Variants in HTR3B observed in about 807,000 individuals in gnomAD.
HTR3B encodes the protein 5-hydroxytryptamine receptor 3B, also known as 5-hydroxytryptamine (serotonin) receptor 3B, ionotropic.
Under a neutral mutation model 42.8 loss-of-function variants are expected in HTR3B, and 44 were observed. The ratio of observed to expected loss-of-function variants is 1.03; its 90% CI spans 0.81 to 1.32. HTR3B has a LOEUF of 1.32. Ranked by LOEUF, HTR3B falls within the 40% of genes most tolerant of loss-of-function variation. The pLI, the probability that HTR3B is intolerant of heterozygous loss-of-function variation, is 0.00. For missense variants in HTR3B, 527 were observed against 536.5 expected, an observed-to-expected ratio of 0.98 and a Z score of 0.17; for synonymous variants, 203 against 209.0, an observed-to-expected ratio of 0.97 and a Z score of 0.25.
chr11:113,913,252 C>T (rs958989761), intron 2 of HTR3B, among the ~76,000 whole-genome samples: 1 of 150,180 alleles, frequency 6.7e-6, no homozygotes, highest in East Asian at 1.9e-4. Context: ...GGCACGATCT[C>T]GGCTCACTGC....
intron 7 of HTR3B, 130 bp from the exon 8 acceptor site, chr11:113,944,438 CTACAG>C: frequency 1.3e-6 from 1 of 749,796 alleles, no homozygotes; most frequent in Non-Finnish European, 2.2e-6. Flanking sequence ...TACGTTAAGG[CTACAG>C]TGAGCCATGA....
intron 2 of HTR3B, among the ~76,000 whole-genome samples, chr11:113,917,632 A>T (rs1343269072): frequency 6.7e-6 from 1 of 150,022 alleles, no homozygotes; most frequent in Non-Finnish European, 1.5e-5. Context: ...TTTTTTTGAG[A>T]CAGTATTTTA....
intron 4 of HTR3B, 134 bp from the exon 5 acceptor site, chr11:113,932,155 T>C (rs1383362740): frequency 6.8e-6 from 5 of 730,056 alleles, no homozygotes; most frequent in Non-Finnish European, 1.2e-5. Flanking sequence ...AATCATCTCA[T>C]GGAAAATGCG....
rs950226701 is a variant in HTR3B at position 113,938,952 on chromosome 11, G to A, written c.697-4030G>A. ...GGAGGTTGCAGTGAGTCGAGATTGC[G>A]TCATTGTACTCCAGTCTGGGCAATA... On this transcript the variant is annotated intron_variant, in intron 6 of 8. Coordinates refer to ENST00000260191, the MANE Select transcript of HTR3B (RefSeq NM_006028.5). Among the ~76,000 whole-genome samples the A allele has an allele frequency of 5.9e-5, 9 of 151,864 alleles. No homozygotes were observed. The South Asian group carries it at 6.3e-4, about 11-fold the overall frequency.
At chr11:113,928,560 C>T (rs542872231) in intron 2 of HTR3B, among the ~76,000 whole-genome samples, 14 of 152,038 alleles carry the variant, frequency 9.2e-5, no homozygotes, top group Middle Eastern at 3.4e-3. Context: ...TTTTTTGAGA[C>T]GGAGTATCAT....
At chr11:113,921,157 T>A (rs1178981702) in intron 2 of HTR3B, among the ~76,000 whole-genome samples, 2 of 151,458 alleles carry the variant, frequency 1.3e-5, no homozygotes, top group East Asian at 2.0e-4. Flanking sequence ...ATTTTTTATT[T>A]TTTTTTTGAG....
Position 113,909,294 on chromosome 11 carries a change from G to T in HTR3B, c.53-1G>T. 1.2e-6 allele frequency: 2 copies of T among 1,611,310 alleles called. No homozygotes were observed. The highest frequency in any genetic ancestry group is 1.7e-6 in the Non-Finnish European group (2 of 1,177,582). ...CTTCACAATGATAGTTTATTTTCCAGGAATTCTAGCCACAGATACACATCA... is the reference window on the plus strand; with the variant it reads ...CTTCACAATGATAGTTTATTTTCCATGAATTCTAGCCACAGATACACATCA... On this transcript the variant is annotated splice_acceptor_variant, in intron 1 of 8. Coordinates refer to ENST00000260191, the MANE Select transcript of HTR3B (RefSeq NM_006028.5). LOFTEE classifies it high-confidence loss of function.
At chr11:113,907,352 G>C (rs1349667410) in intron 1 of HTR3B, among the ~76,000 whole-genome samples, 1 of 152,158 alleles carries the variant, frequency 6.6e-6, no homozygotes, top group Non-Finnish European at 1.5e-5. Flanking sequence ...CTTTCAAGGG[G>C]CATAATTTAC....
At chr11:113,941,968 C>T (rs1202864483) in intron 6 of HTR3B, among the ~76,000 whole-genome samples, 2 of 152,164 alleles carry the variant, frequency 1.3e-5, no homozygotes, top group Non-Finnish European at 1.5e-5. Context: ...ATTTTTGAGC[C>T]GTCTTCAAAC....
chr11:113,913,978 G>A (rs919791149), intron 2 of HTR3B, among the ~76,000 whole-genome samples: 4 of 152,126 alleles, frequency 2.6e-5, no homozygotes, highest in African/African-American at 9.7e-5. Context: ...ATGCAGTGAG[G>A]AAGCCCTGAT....
intron 6 of HTR3B, among the ~76,000 whole-genome samples, chr11:113,940,799 A>G (rs1330076946): frequency 6.6e-6 from 1 of 152,044 alleles, no homozygotes; most frequent in Non-Finnish European, 1.5e-5. Flanking sequence ...CTGCTCCATC[A>G]CTGGCCTTTG....
At chr11:113,936,727 G>A (rs1950095168) in intron 6 of HTR3B, among the ~76,000 whole-genome samples, 1 of 152,184 alleles carries the variant, frequency 6.6e-6, no homozygotes, top group Non-Finnish European at 1.5e-5. Flanking sequence ...TTTCTGAGTT[G>A]GGAATGCTGG....
chr11:113,944,510 C>CA lies in HTR3B; in HGVS notation c.908-56dup, dbSNP rs561020040. On this transcript the variant is annotated intron_variant, in intron 7 of 8. Transcript: ENST00000260191. Reference sequence around the variant, plus strand: ...AGCAAGACCCTGTCCCTAAAGAAAACAAAAAAATCTGATGCTGCATTTCAG... The same window carrying CA: ...AGCAAGACCCTGTCCCTAAAGAAAACAAAAAAAATCTGATGCTGCATTTCAG... The CA allele has an allele frequency of 2.3e-4, 357 of 1,554,748 alleles. 4 individuals are homozygous for CA. The East Asian group carries it at 7.4e-3, about 32-fold the overall frequency.
intron 2 of HTR3B, among the ~76,000 whole-genome samples, chr11:113,920,102 C>T (rs943892719): frequency 1.6e-4 from 25 of 152,076 alleles, no homozygotes; most frequent in African/African-American, 5.8e-4. Context: ...GATCTTGGCT[C>T]ACCACAACCT....
At chr11:113,934,425 A>G (rs967679224) in intron 6 of HTR3B, among the ~76,000 whole-genome samples, 2 of 151,826 alleles carry the variant, frequency 1.3e-5, no homozygotes, top group Non-Finnish European at 2.9e-5. Flanking sequence ...AAAGAAAGAA[A>G]GAAGGAAAGA....
intron 6 of HTR3B, among the ~76,000 whole-genome samples, chr11:113,934,727 C>G (rs1285552314): frequency 7.0e-6 from 1 of 142,356 alleles, no homozygotes; most frequent in Non-Finnish European, 1.5e-5. Flanking sequence ...GTCCACTTTT[C>G]TTGTAAGGAA....
intron 2 of HTR3B, among the ~76,000 whole-genome samples, chr11:113,923,375 G>T (rs778736950): frequency 2.0e-5 from 3 of 152,142 alleles, no homozygotes; most frequent in Non-Finnish European, 4.4e-5. Context: ...GAATTTCTGG[G>T]TATTATGAGT....
intron 2 of HTR3B, among the ~76,000 whole-genome samples, chr11:113,911,048 G>C (rs1021744978): frequency 6.9e-6 from 1 of 144,442 alleles, no homozygotes; most frequent in East Asian, 2.2e-4. Flanking sequence ...GGATGGTCTC[G>C]ATCTCCTGAC....
chr11:113,904,734 C>A, upstream of HTR3B: 1 of 523,732 alleles, frequency 1.9e-6, no homozygotes, highest in Non-Finnish European at 3.4e-6. Context: ...ATGACGGCAT[C>A]AATTCCAAAA....
Sources: gnomAD v4.1 joint callset for allele counts (sites outside exome capture counted in the v4.1 genomes callset) on GRCh38, gnomAD v4.1.1 for gene constraint, MANE v1.5 for transcripts, NCBI Gene and HGNC (gene_info 2026-07-23, HGNC 2026-07-21) for gene names.